Variants in SPATA13 observed in about 807,000 individuals in gnomAD.
SPATA13 encodes the protein spermatogenesis-associated protein 13.
Under a neutral mutation model 104.0 loss-of-function variants are expected in SPATA13, and 50 were observed. The observed-to-expected ratio is 0.48, with a 90% CI of 0.38 to 0.61. The LOEUF (loss-of-function observed/expected upper bound fraction) is 0.61, where lower values mean the gene tolerates loss of function less well. SPATA13 is among the 20% of genes least tolerant of loss of function. The pLI is 0.00. For synonymous variants in SPATA13, 606 were observed against 667.5 expected (o/e 0.91, Z 1.42); for missense variants, 1,524 against 1,690.6 (o/e 0.90, Z 1.73).
intron 2 of SPATA13, among the ~76,000 whole-genome samples, chr13:24,009,939 G>T (rs1041133447): frequency 6.6e-6 from 1 of 152,162 alleles, no homozygotes; most frequent in African/African-American, 2.4e-5. Context: ...CAGATGGTTG[G>T]GGGGCTTACA....
At chr13:24,043,111 T>G (rs575056745) in intron 3 of SPATA13, among the ~76,000 whole-genome samples, 1 of 152,292 alleles carries the variant, frequency 6.6e-6, no homozygotes, top group East Asian at 1.9e-4. Context: ...CATCTCTCCT[T>G]CAGCTTAGGT....
At chr13:24,270,919 G>A (rs1566182646) in intron 4 of SPATA13, 1 of 1,598,234 alleles carries the variant, frequency 6.3e-7, no homozygotes, top group Non-Finnish European at 8.6e-7. Flanking sequence ...TTGGGTATGT[G>A]TGCAAAGAAT....
At chr13:24,164,293 T>A (rs1882631812) in intron 1 of SPATA13, among the ~76,000 whole-genome samples, 1 of 152,222 alleles carries the variant, frequency 6.6e-6, no homozygotes, top group African/African-American at 2.4e-5. Flanking sequence ...TGTACCCACA[T>A]CCTTCTCTGG....
chr13:24,301,605 C>T (rs543743410), intron 12 of SPATA13, among the ~76,000 whole-genome samples: 1 of 152,288 alleles, frequency 6.6e-6, no homozygotes, highest in East Asian at 1.9e-4. Context: ...CCGGGTGGGA[C>T]GCTGTGCCTG....
Position 24,224,375 on chromosome 13 carries a change from AG to A in SPATA13, c.1448del (p.Gly483GlufsTer54). ...SPQSPQSPGAGSASCHSNHSA... is the reference protein window; with the variant it reads ...SPQSPQSPGAXSASCHSNHSA... ...CTCAGAGCCCCCAGAGCCCCGGGGC[AG>A]GAAGTGCCAGCTGTCACAGCAATCA... On this transcript the variant is annotated frameshift_variant, in exon 2 of 13. Coordinates refer to ENST00000382108, the MANE Select transcript of SPATA13 (RefSeq NM_001166271.3). LOFTEE classifies it high-confidence loss of function. The A allele has an allele frequency of 6.4e-7, 1 of 1,551,644 alleles. No individual in the cohort carries two copies. The highest frequency in any genetic ancestry group is 8.7e-7 in the Non-Finnish European group (1 of 1,146,968).
chr13:24,009,752 A>C (rs1413836690), intron 2 of SPATA13, among the ~76,000 whole-genome samples: 1 of 152,214 alleles, frequency 6.6e-6, no homozygotes, highest in African/African-American at 2.4e-5. Context: ...GAGAAAACAG[A>C]TTGTAAATGT....
chr13:24,234,730 G>A (rs1340922755), intron 2 of SPATA13, among the ~76,000 whole-genome samples: 1 of 152,168 alleles, frequency 6.6e-6, no homozygotes, highest in Non-Finnish European at 1.5e-5. Context: ...GAGGGGCCCT[G>A]TGGATTGGAG....
chr13:24,168,515 C>T (rs1882835439), intron 1 of SPATA13, among the ~76,000 whole-genome samples: 1 of 152,116 alleles, frequency 6.6e-6, no homozygotes, highest in Non-Finnish European at 1.5e-5. Context: ...TTTTTTTCTG[C>T]TGCTGAATCA....
intron 1 of SPATA13, among the ~76,000 whole-genome samples, chr13:24,191,501 CTTTTTTT>C (rs57437676): frequency 4.7e-4 from 32 of 67,488 alleles, no homozygotes; most frequent in African/African-American, 1.3e-3. Context: ...ACATTGCTTT[CTTTTTTT>C]TTTTTTTTTT....
chr13:24,304,806 C>CAGGA lies in SPATA13; in HGVS notation c.*2038_*2041dup, dbSNP rs1877468699. The CAGGA allele has an allele frequency of 6.6e-6, 1 of 152,228 alleles. No individual in the cohort carries two copies. Among genetic ancestry groups the CAGGA allele is most frequent in the South Asian group, 2.1e-4 (1 of 4,834 alleles). 9.4% of individuals were successfully genotyped at this position (152,228 alleles called of 1,614,324 possible). On this transcript the variant is annotated 3_prime_UTR_variant, in exon 13 of 13. Transcript: ENST00000382108. ...GCACGTCCTGAGACAGAAGTTGCTG[C>CAGGA]AGGAAGGAGCTTCTGGAGAGGTCCT...
intron 11 of SPATA13, among the ~76,000 whole-genome samples, chr13:24,298,209 G>T (rs1300228293): frequency 1.3e-5 from 2 of 152,158 alleles, no homozygotes; most frequent in Admixed American, 6.5e-5. Flanking sequence ...CATCACCCAG[G>T]CTATCAGAAG....
Position 24,093,371 on chromosome 13 carries a change from C to T in SPATA13, c.-112+75670C>T, listed in dbSNP as rs532251480. Among the ~76,000 whole-genome samples, 8 of 152,352 alleles carry T rather than the reference C, an allele frequency of 5.3e-5. No individual in the cohort carries two copies. The South Asian group carries it at 1.5e-3, about 28-fold the overall frequency. ...TTCTGTGCCATTAAGCTTGCAAACA[C>T]TCTATCACCATTTGCCATTTTTAAA... On this transcript the variant is annotated intron_variant, in intron 3 of 14. Coordinates refer to the SPATA13 transcript ENST00000424834.
intron 1 of SPATA13, among the ~76,000 whole-genome samples, chr13:24,173,363 TGTG>T (rs1006807809): frequency 3.7e-3 from 6 of 1,642 alleles, no homozygotes; most frequent in African/African-American, 4.1e-3. Flanking sequence ...AGTTCTTAGT[TGTG>T]TGTGTGTGTG....
chr13:24,084,437 G>A (rs1158757966), intron 3 of SPATA13, among the ~76,000 whole-genome samples: 3 of 152,332 alleles, frequency 2.0e-5, no homozygotes, highest in African/African-American at 2.4e-5. Flanking sequence ...TTCTGGACGT[G>A]CGAGGTACAC....
intron 4 of SPATA13, among the ~76,000 whole-genome samples, chr13:24,273,550 A>C (rs1186081952): frequency 1.3e-5 from 2 of 152,236 alleles, no homozygotes; most frequent in Non-Finnish European, 2.9e-5. Context: ...CTGGAACATG[A>C]AACATATTTC....
chr13:24,006,123 C>G (rs1293396662), intron 2 of SPATA13, among the ~76,000 whole-genome samples: 1 of 152,158 alleles, frequency 6.6e-6, no homozygotes, highest in Non-Finnish European at 1.5e-5. Context: ...TGTGAGTAAC[C>G]ACCATAATTC....
At chr13:24,277,052 T>A (rs951553752) in intron 4 of SPATA13, among the ~76,000 whole-genome samples, 2 of 152,030 alleles carry the variant, frequency 1.3e-5, no homozygotes, top group African/African-American at 4.8e-5. Context: ...TAGAGTGGAG[T>A]CAGATTACAG....
At chr13:23,994,894 A>G (rs1875605093) in intron 2 of SPATA13, among the ~76,000 whole-genome samples, 1 of 152,208 alleles carries the variant, frequency 6.6e-6, no homozygotes, top group Non-Finnish European at 1.5e-5. Context: ...GCACACTGTT[A>G]TGAAGCATTT....
At chr13:24,027,413 G>A (rs555618412) in intron 3 of SPATA13, among the ~76,000 whole-genome samples, 106 of 152,156 alleles carry the variant, frequency 7.0e-4, no homozygotes, top group African/African-American at 2.4e-3. Flanking sequence ...GATTACAGGC[G>A]TGAGCCACCA....
Sources: allele counts gnomAD v4.1 joint callset (sites outside exome capture counted in the v4.1 genomes callset), GRCh38; gene constraint gnomAD v4.1.1; transcripts MANE v1.5; gene names NCBI Gene and HGNC (gene_info 2026-07-23, HGNC 2026-07-21).